Variants in PHACTR3 observed in about 807,000 individuals in gnomAD.
PHACTR3 encodes the protein phosphatase and actin regulator 3.
A neutral mutation model predicts 66.8 loss-of-function variants in PHACTR3; 16 were observed. That is an observed-to-expected ratio of 0.24 (90% confidence interval 0.16 to 0.36). The LOEUF is 0.36. Among genes scored for constraint, PHACTR3 ranks in the 10% least tolerant of loss-of-function variants. The pLI, the probability that PHACTR3 is intolerant of heterozygous loss-of-function variation, is 1.00. For synonymous variants in PHACTR3, 323 were observed against 292.1 expected (o/e 1.11, Z -1.08); for missense variants, 647 against 719.9 (o/e 0.90, Z 1.16).
chr20:59,755,947 C>T (rs1488603281), intron 4 of PHACTR3, among the ~76,000 whole-genome samples: 2 of 152,158 alleles, frequency 1.3e-5, no homozygotes, highest in Non-Finnish European at 2.9e-5. Context: ...CAGTTTCCCT[C>T]TGTTAAATGG....
intron 7 of PHACTR3, among the ~76,000 whole-genome samples, chr20:59,776,406 CCT>C (rs778601897): frequency 1.1e-3 from 175 of 152,248 alleles, no homozygotes; most frequent in Non-Finnish European, 1.6e-3. Flanking sequence ...TGTGCTAGAC[CCT>C]CTCTGAGGAT....
chr20:59,828,643 G>T (rs989112614), intron 8 of PHACTR3, among the ~76,000 whole-genome samples: 3 of 152,040 alleles, frequency 2.0e-5, no homozygotes, highest in African/African-American at 7.2e-5. Flanking sequence ...GACAGGGACA[G>T]TGTGAACAGC....
chr20:59,680,416 A>T (rs2036600569), intron 1 of PHACTR3, among the ~76,000 whole-genome samples: 1 of 152,150 alleles, frequency 6.6e-6, no homozygotes, highest in South Asian at 2.1e-4. Context: ...AGGCTGGACA[A>T]CATATCCACC....
chr20:59,819,416 C>T (rs537720213), intron 8 of PHACTR3, among the ~76,000 whole-genome samples: 2 of 152,102 alleles, frequency 1.3e-5, no homozygotes, highest in African/African-American at 4.8e-5. Flanking sequence ...CCTGTGATCT[C>T]AGCTACTTGG....
chr20:59,645,706 C>CT (rs1686790741), intron 1 of PHACTR3, among the ~76,000 whole-genome samples: 2 of 152,226 alleles, frequency 1.3e-5, no homozygotes, highest in South Asian at 4.1e-4. Context: ...GTGCATATCC[C>CT]TGTCGACACC....
In PHACTR3 at chr20:59,773,340, G is replaced by T; in HGVS notation, c.813G>T (p.Gln271His). The change falls in exon 6 of 13, where the codon CAG becomes CAT. Residue 271 changes from glutamine (Q) to histidine (H), a missense_variant. Around this residue, in one of 2 missense-constraint regions of PHACTR3, gnomAD observed 577 missense variants for 571.1 expected, o/e 1.01. Transcript: ENST00000371015. ...MKSADPSLRG[Q>H]LSTPTGSPHL... ...GTGCCGACCCTTCCCTCCGGGGCCA[G>T]CTCTCCACACCCACGGGGTCTCCGC... 1 of 1,614,164 alleles carries T rather than the reference G, an allele frequency of 6.2e-7. No individual in the cohort carries two copies. Among genetic ancestry groups the T allele is most frequent in the Non-Finnish European group, 8.5e-7 (1 of 1,180,024 alleles).
chr20:59,638,928 A>T (rs1252075459), intron 1 of PHACTR3, among the ~76,000 whole-genome samples: 357 of 90,242 alleles, frequency 4.0e-3, no homozygotes, highest in Middle Eastern at 0.038. Flanking sequence ...GATGGATAGG[A>T]GGATGGATTG....
intron 9 of PHACTR3, among the ~76,000 whole-genome samples, chr20:59,839,186 T>C (rs1435161019): frequency 2.0e-5 from 3 of 152,194 alleles, no homozygotes; most frequent in Admixed American, 6.5e-5. Context: ...ACTTTCACAA[T>C]GTCTCTCTAA....
chr20:59,743,006 T>C, intron 1 of PHACTR3, 101 bp from the exon 2 acceptor site: 1 of 1,328,094 alleles, frequency 7.5e-7, no homozygotes, highest in Non-Finnish European at 1.0e-6. Flanking sequence ...TTTGGGGGGA[T>C]CACTGGTGAC....
At chr20:59,827,085 A>C (rs6123951) in intron 8 of PHACTR3, among the ~76,000 whole-genome samples, 1 of 151,642 alleles carries the variant, frequency 6.6e-6, no homozygotes, top group Non-Finnish European at 1.5e-5. Flanking sequence ...GGTGACCTGG[A>C]TGTCCCTTGG....
chr20:59,618,636 C>T (rs1156600240), intron 1 of PHACTR3, among the ~76,000 whole-genome samples: 2 of 152,220 alleles, frequency 1.3e-5, no homozygotes, highest in East Asian at 1.9e-4. Flanking sequence ...GAGGCACCTA[C>T]GTGGTGTCTG....
chr20:59,605,050 G>A lies in PHACTR3; in HGVS notation c.36G>A (p.Val12=). The change falls in exon 1 of 13, where the codon GTG becomes GTA. Residue 12 remains valine, a synonymous_variant. Coordinates refer to ENST00000371015, the MANE Select transcript of PHACTR3 (RefSeq NM_080672.5). ...AASEDGSGCL[V]SRGRSQSDPS... The stretch of plus-strand genomic sequence containing the variant: ...CGGAGGACGGGAGCGGCTGCCTCGT[G>A]TCGCGGGGCCGCTCGCAGAGTGACC... The A allele has an allele frequency of 7.2e-7, 1 of 1,389,740 alleles. No individual in the cohort carries two copies. Among genetic ancestry groups the A allele is most frequent in the Non-Finnish European group, 9.4e-7 (1 of 1,064,212 alleles). The allele number at this position is 1,389,740 out of a possible 1,614,324, so 86.1% of individuals were successfully genotyped here. A position where few individuals can be genotyped will look rare whatever the true frequency, so the allele number is the denominator to read the frequency against.
At chr20:59,821,003 G>T (rs2042016169) in intron 8 of PHACTR3, among the ~76,000 whole-genome samples, 1 of 152,172 alleles carries the variant, frequency 6.6e-6, no homozygotes, top group African/African-American at 2.4e-5. Context: ...GGCTTAGCGT[G>T]TGTGAGTAGT....
At chr20:59,796,625 TA>T (rs1280890086) in intron 7 of PHACTR3, among the ~76,000 whole-genome samples, 2 of 152,144 alleles carry the variant, frequency 1.3e-5, no homozygotes, top group African/African-American at 4.8e-5. Context: ...TTGCTGGATA[TA>T]ATATTCTTGG....
chr20:59,766,396 G>T (rs1313372276), intron 4 of PHACTR3, among the ~76,000 whole-genome samples: 1 of 152,204 alleles, frequency 6.6e-6, no homozygotes, highest in Non-Finnish European at 1.5e-5. Flanking sequence ...AAGGAATCCA[G>T]GCAAAGGACT....
At chr20:59,727,706 C>A (rs922823972) in intron 1 of PHACTR3, among the ~76,000 whole-genome samples, 5 of 152,148 alleles carry the variant, frequency 3.3e-5, no homozygotes, top group African/African-American at 1.2e-4. Flanking sequence ...CATTTTAAGT[C>A]TGAAATGCTC....
chr20:59,651,634 TG>T (rs1054130138), intron 1 of PHACTR3, among the ~76,000 whole-genome samples: 17 of 152,278 alleles, frequency 1.1e-4, no homozygotes, highest in African/African-American at 3.9e-4. Context: ...TATAGCAAAG[TG>T]TTGGAAACAA....
At chr20:59,831,612 A>C (rs1478404172) in intron 8 of PHACTR3, among the ~76,000 whole-genome samples, 1 of 151,976 alleles carries the variant, frequency 6.6e-6, no homozygotes, top group Non-Finnish European at 1.5e-5. Context: ...CAGGGGTTCT[A>C]CACCCCCACC....
chr20:59,751,525 G>A (rs2039582299), intron 3 of PHACTR3, among the ~76,000 whole-genome samples: 1 of 152,186 alleles, frequency 6.6e-6, no homozygotes, highest in Non-Finnish European at 1.5e-5. Flanking sequence ...CCTGAAGCAG[G>A]TGGGCAGCCT....
Sources: allele counts gnomAD v4.1 joint callset (sites outside exome capture counted in the v4.1 genomes callset), GRCh38; gene constraint gnomAD v4.1.1; regional missense constraint gnomAD v4.1.1; transcripts MANE v1.5; gene names NCBI Gene and HGNC (gene_info 2026-07-23, HGNC 2026-07-21).